Variants in PSPC1 observed in about 807,000 individuals in gnomAD.
PSPC1 encodes paraspeckle protein 1.
A neutral mutation model predicts 51.6 loss-of-function variants in PSPC1; 14 were observed. That is an observed-to-expected ratio of 0.27 (90% CI 0.18 to 0.42). The LOEUF (loss-of-function observed/expected upper bound fraction) is 0.42, where lower values mean the gene tolerates loss of function less well. Among genes scored for constraint, PSPC1 ranks in the 10% least tolerant of loss-of-function variants. The probability of loss-of-function intolerance (pLI) is 1.00; values close to 1 mark genes in which losing one functional copy is unlikely to be tolerated. For missense variants in PSPC1, 406 were observed against 701.1 expected (o/e 0.58, Z 4.75); for synonymous variants, 193 against 231.9 (o/e 0.83, Z 1.53).
At position 19,775,663 on chromosome 13, in the gene PSPC1, T is replaced by G. The variant is rs117510933; in HGVS notation, c.373-3120A>C. Among the ~76,000 whole-genome samples, 693 of 152,198 alleles carry G rather than the reference T, an allele frequency of 4.6e-3. 5 individuals are homozygous for G. The highest frequency in any genetic ancestry group is 0.027 in the South Asian group (128 of 4,802). On this transcript the variant is annotated intron_variant, in intron 1 of 8. Transcript: ENST00000338910. ...TAGTAACAGTAGTAGCAGCAAGCAC[T>G]TAATAAACACCTAAAAAGAGATGGG...
intron 2 of PSPC1, among the ~76,000 whole-genome samples, chr13:19,760,855 G>A (rs759736285): frequency 4.6e-5 from 7 of 151,998 alleles, no homozygotes; most frequent in Non-Finnish European, 1.0e-4. Flanking sequence ...GGGCGTGGTG[G>A]TGCACGCCTG....
intron 6 of PSPC1, among the ~76,000 whole-genome samples, chr13:19,718,087 C>T (rs749852617): frequency 1.3e-5 from 2 of 152,088 alleles, no homozygotes; most frequent in African/African-American, 4.8e-5. Flanking sequence ...AAAAAATATA[C>T]GTTTCTATTG....
downstream of PSPC1, among the ~76,000 whole-genome samples, chr13:19,701,374 T>C (rs1470930275): frequency 1.5e-4 from 22 of 151,216 alleles, no homozygotes; most frequent in Admixed American, 1.4e-3. Flanking sequence ...AAAACTGTAA[T>C]CAATGTTAAA....
rs1025331909 is a variant in PSPC1 at position 19,741,691 on chromosome 13, T to C, written c.968-42A>G. 11 of 1,325,316 alleles carry C rather than the reference T, an allele frequency of 8.3e-6. No individual in the cohort carries two copies. The African/African-American group carries it at 1.3e-4, about 16-fold the overall frequency. The allele number at this position is 1,325,316 out of a possible 1,614,324, so 82.1% of individuals were successfully genotyped here. The stretch of plus-strand genomic sequence containing the variant: ...GCACATTAATATTTTTAGTTTCCCT[T>C]TCCATATTTTTATACCAATAAGCAT... On this transcript the variant is annotated intron_variant, in intron 4 of 8. Transcript: ENST00000338910.
At chr13:19,685,371 A>T (rs1877747244) in intron 6 of PSPC1, among the ~76,000 whole-genome samples, 1 of 152,220 alleles carries the variant, frequency 6.6e-6, no homozygotes, top group Non-Finnish European at 1.5e-5. Context: ...ATAATTTTGC[A>T]GTGATTATTT....
At chr13:19,730,967 A>AAAAAAAAAAAAAAAAAAAC (rs1566002419) in intron 5 of PSPC1, among the ~76,000 whole-genome samples, 2 of 140,454 alleles carry the variant, frequency 1.4e-5, no homozygotes, top group Non-Finnish European at 3.1e-5. Context: ...CAAAAAAACA[A>AAAAAAAAAAAAAAAAAAAC]AAAAAAAAAA....
At chr13:19,719,503 C>T (rs373807238) in intron 6 of PSPC1, among the ~76,000 whole-genome samples, 1 of 151,898 alleles carries the variant, frequency 6.6e-6, no homozygotes, top group Non-Finnish European at 1.5e-5. Flanking sequence ...GGTTTAGTCA[C>T]GAAACAAAAA....
intron 6 of PSPC1, among the ~76,000 whole-genome samples, chr13:19,689,083 T>G (rs953472421): frequency 2.6e-5 from 4 of 152,156 alleles, no homozygotes; most frequent in Non-Finnish European, 5.9e-5. Flanking sequence ...AGAAAACTTA[T>G]AGTCAACTGT....
At chr13:19,778,169 G>A (rs1434688898) in intron 1 of PSPC1, among the ~76,000 whole-genome samples, 1 of 151,884 alleles carries the variant, frequency 6.6e-6, no homozygotes, top group Non-Finnish European at 1.5e-5. Flanking sequence ...TTGAACCCAG[G>A]AGGTGGAGGT....
intron 6 of PSPC1, among the ~76,000 whole-genome samples, chr13:19,727,937 T>C (rs566267262): frequency 6.6e-6 from 1 of 152,222 alleles, no homozygotes; most frequent in South Asian, 2.1e-4. Context: ...GGCAGTTGAA[T>C]GTTATCCTAA....
intron 5 of PSPC1, among the ~76,000 whole-genome samples, chr13:19,730,965 C>CAAAAAA (rs56753561): frequency 1.3e-4 from 5 of 37,304 alleles, no homozygotes; most frequent in Admixed American, 7.5e-4. Flanking sequence ...AACAAAAAAA[C>CAAAAAA]AAAAAAAAAA....
In PSPC1 at chr13:19,715,284, CA is replaced by C. The variant is rs563654051; in HGVS notation, c.1159-5686del. ...TTTAAAATCGCAGTCAGTTTTCTTT[CA>C]TGAAAATATAGAACAGGAAGCTTGC... On this transcript the variant is annotated intron_variant, in intron 6 of 8. Coordinates refer to ENST00000338910, the MANE Select transcript of PSPC1 (RefSeq NM_001354909.2). Among the ~76,000 whole-genome samples, 3 of 152,242 alleles carry C rather than the reference CA, an allele frequency of 2.0e-5. No individual in the cohort carries two copies. In the South Asian group the frequency reaches 6.2e-4, roughly 32 times the overall value.
chr13:19,718,422 A>G (rs1882381218), intron 6 of PSPC1, among the ~76,000 whole-genome samples: 1 of 152,240 alleles, frequency 6.6e-6, no homozygotes, highest in African/African-American at 2.4e-5. Context: ...CTGCAAATTA[A>G]AATGAGACAG....
At chr13:19,718,149 G>T (rs375552257) in intron 6 of PSPC1, among the ~76,000 whole-genome samples, 1 of 152,166 alleles carries the variant, frequency 6.6e-6, no homozygotes, top group South Asian at 2.1e-4. Context: ...GTGAATGCTT[G>T]GAAAACTTAA....
At chr13:19,709,042 T>C (rs1169682416) in intron 7 of PSPC1, among the ~76,000 whole-genome samples, 1 of 150,898 alleles carries the variant, frequency 6.6e-6, no homozygotes. Context: ...CACATGCCTG[T>C]AGTCCCAGCT....
At chr13:19,676,804 A>G (rs1186929780) in intron 7 of PSPC1, among the ~76,000 whole-genome samples, 1 of 152,222 alleles carries the variant, frequency 6.6e-6, no homozygotes, top group African/African-American at 2.4e-5. Context: ...CAATGTACCC[A>G]TGGGAATTTT....
intron 4 of PSPC1, among the ~76,000 whole-genome samples, 184 bp downstream of exon 4, chr13:19,751,087 T>G (rs1419211490): frequency 6.6e-6 from 1 of 151,894 alleles, no homozygotes; most frequent in Admixed American, 6.6e-5. Context: ...TAACTTTTAG[T>G]AAGTTGTGTT....
rs1388070429 is a variant in PSPC1 at position 19,705,969 on chromosome 13, T to G, written c.1217-138A>C. ...CTCCTTAAGAATGCGATATGCGTTA[T>G]CTACTCTGTAATAGGGTATTACCTA... On this transcript the variant is annotated intron_variant, in intron 7 of 8. Transcript: ENST00000338910. The G allele has an allele frequency of 4.4e-5, 28 of 631,752 alleles. No homozygotes were observed. The South Asian group carries it at 1.0e-3, about 23-fold the overall frequency. The allele number at this position is 631,752 out of a possible 1,614,324, so 39.1% of individuals were successfully genotyped here.
At chr13:19,736,650 T>C (rs973905668) in intron 5 of PSPC1, among the ~76,000 whole-genome samples, 1 of 152,068 alleles carries the variant, frequency 6.6e-6, no homozygotes, top group African/African-American at 2.4e-5. Context: ...GCCACTGCAC[T>C]CCAGCCTGGG....
Sources: gnomAD v4.1 joint callset for allele counts (sites outside exome capture counted in the v4.1 genomes callset) on GRCh38, gnomAD v4.1.1 for gene constraint, MANE v1.5 for transcripts, NCBI Gene and HGNC (gene_info 2026-07-23, HGNC 2026-07-21) for gene names.